KCNH1: variants seen among roughly 807,000 people sequenced by gnomAD.
KCNH1 encodes voltage-gated delayed rectifier potassium channel KCNH1.
In KCNH1, 27 loss-of-function variants were observed where a neutral mutation model predicts 69.2. The ratio of observed to expected loss-of-function variants is 0.39; its 90% CI spans 0.29 to 0.54. The LOEUF (loss-of-function observed/expected upper bound fraction) is 0.54. KCNH1 is among the 20% of genes least tolerant of loss of function. The pLI is 0.68. For synonymous variants in KCNH1, 456 were observed against 487.7 expected (o/e 0.93, Z 0.86); for missense variants, 798 against 1,261.6 (o/e 0.63, Z 5.57).
chr1:210,961,145 C>T (rs948305388), intron 6 of KCNH1, among the ~76,000 whole-genome samples: 1 of 152,068 alleles, frequency 6.6e-6, no homozygotes, highest in African/African-American at 2.4e-5. Flanking sequence ...GATGAAATGT[C>T]TGTTAAAATC....
In KCNH1 at chr1:210,787,346, G is replaced by A. The variant is rs539112645; in HGVS notation, c.1915+10162C>T. 3.9e-5 allele frequency among the ~76,000 whole-genome samples: 6 copies of A among 152,210 alleles called. No individual in the cohort carries two copies. The East Asian group carries it at 9.6e-4, about 24-fold the overall frequency. On this transcript the variant is annotated intron_variant, in intron 9 of 10. Transcript: ENST00000271751. Reference sequence around the variant, plus strand: ...ACTTCTCATAGCCGCTGGATTAGATGCCTGTCATATAAGCTCCCACAGCAT... The same window carrying A: ...ACTTCTCATAGCCGCTGGATTAGATACCTGTCATATAAGCTCCCACAGCAT...
intron 4 of KCNH1, among the ~76,000 whole-genome samples, chr1:211,085,691 G>A (rs1373051951): frequency 1.3e-5 from 2 of 152,148 alleles, no homozygotes; most frequent in African/African-American, 4.8e-5. Flanking sequence ...ATGACGACTG[G>A]GGTGACAGCT....
intron 6 of KCNH1, among the ~76,000 whole-genome samples, chr1:210,941,355 C>T (rs151182503): frequency 1.3e-5 from 2 of 152,204 alleles, no homozygotes; most frequent in Non-Finnish European, 2.9e-5. Flanking sequence ...AGCCTCCTGA[C>T]AAGCACCAAG....
intron 7 of KCNH1, among the ~76,000 whole-genome samples, chr1:210,824,120 A>G (rs11119611): frequency 0.35 from 53,177 of 151,110 alleles, 9,451 homozygotes; most frequent in East Asian, 0.48. Context: ...AGGTTTCTAA[A>G]CCTTTGTTCC....
chr1:210,877,881 C>T (rs1366660762), intron 7 of KCNH1, among the ~76,000 whole-genome samples: 3 of 152,098 alleles, frequency 2.0e-5, no homozygotes, highest in African/African-American at 4.8e-5. Context: ...GATCTCTTTC[C>T]TTCTGTCATT....
At chr1:210,989,354 T>C (rs915605961) in intron 6 of KCNH1, among the ~76,000 whole-genome samples, 3 of 152,250 alleles carry the variant, frequency 2.0e-5, no homozygotes, top group Admixed American at 6.5e-5. Flanking sequence ...TCAAAGCCAG[T>C]CTGTGAGTTT....
At chr1:211,069,324 AC>A (rs1281753076) in intron 5 of KCNH1, among the ~76,000 whole-genome samples, 3 of 132,418 alleles carry the variant, frequency 2.3e-5, no homozygotes, top group Non-Finnish European at 4.6e-5. Flanking sequence ...TGCCCTATTT[AC>A]CTAGCACATG....
chr1:210,721,360 G>A (rs150801480), intron 10 of KCNH1, among the ~76,000 whole-genome samples: 74 of 152,266 alleles, frequency 4.9e-4, no homozygotes, highest in Middle Eastern at 6.8e-3. Flanking sequence ...ATTCTTCAGC[G>A]CAAGAGTTCT....
chr1:210,758,232 G>A (rs1201738711), intron 10 of KCNH1, among the ~76,000 whole-genome samples: 1 of 152,194 alleles, frequency 6.6e-6, no homozygotes, highest in African/African-American at 2.4e-5. Context: ...AGGCATTTTA[G>A]TTTCAGCCCA....
intron 6 of KCNH1, among the ~76,000 whole-genome samples, chr1:210,954,563 T>C (rs540938357): frequency 1.3e-4 from 20 of 152,158 alleles, no homozygotes; most frequent in Non-Finnish European, 2.6e-4. Flanking sequence ...CTCTCCAGCA[T>C]CTGTTGTTTC....
intron 5 of KCNH1, among the ~76,000 whole-genome samples, chr1:211,023,493 G>A (rs1429629718): frequency 6.6e-6 from 1 of 151,516 alleles, no homozygotes; most frequent in Non-Finnish European, 1.5e-5. Context: ...ATGAAATCCT[G>A]TCATTTGCAG....
chr1:210,739,860 C>T (rs867119744), intron 10 of KCNH1, among the ~76,000 whole-genome samples: 4 of 152,126 alleles, frequency 2.6e-5, no homozygotes, highest in African/African-American at 4.8e-5. Context: ...GACCTCGCAG[C>T]ACAACACAAA....
chr1:211,078,885 T>C (rs1690789233), intron 5 of KCNH1, among the ~76,000 whole-genome samples: 2 of 124,054 alleles, frequency 1.6e-5, no homozygotes, highest in Admixed American at 1.1e-4. Flanking sequence ...ACCACTGCAC[T>C]CCAGCCTGGG....
intron 6 of KCNH1, among the ~76,000 whole-genome samples, chr1:211,009,604 T>C (rs531341879): frequency 2.6e-5 from 2 of 77,826 alleles, no homozygotes; most frequent in Non-Finnish European, 4.6e-5. Context: ...TATTTTCTTT[T>C]CTTTTTTTTT....
intron 6 of KCNH1, among the ~76,000 whole-genome samples, chr1:210,931,773 T>A (rs1687684192): frequency 6.7e-6 from 1 of 148,786 alleles, no homozygotes; most frequent in Admixed American, 6.7e-5. Context: ...AATGAGAAAT[T>A]CAACAAAGAG....
At chr1:211,085,263 G>C (rs73073493) in intron 4 of KCNH1, among the ~76,000 whole-genome samples, 175 of 152,264 alleles carry the variant, frequency 1.1e-3, no homozygotes, top group African/African-American at 4.0e-3. Context: ...AAGTGGGAGG[G>C]GGATGCCAGG....
At chr1:210,849,367 T>TTTC (rs1369968407) in intron 7 of KCNH1, among the ~76,000 whole-genome samples, 6 of 125,986 alleles carry the variant, frequency 4.8e-5, no homozygotes, top group African/African-American at 1.5e-4. Flanking sequence ...CTTTCTTTCT[T>TTTC]TTTTTTTTTT....
chr1:211,031,278 A>T (rs4027133), intron 5 of KCNH1, among the ~76,000 whole-genome samples: 1 of 151,922 alleles, frequency 6.6e-6, no homozygotes, highest in Admixed American at 6.6e-5. Flanking sequence ...AAAAGTCCAG[A>T]ACCAGATGGA....
intron 6 of KCNH1, among the ~76,000 whole-genome samples, chr1:211,002,139 T>C (rs527939216): frequency 6.6e-6 from 1 of 152,142 alleles, no homozygotes; most frequent in East Asian, 1.9e-4. Flanking sequence ...TGTGCACATG[T>C]ACACATATGT....
Sources: allele counts gnomAD v4.1 joint callset (sites outside exome capture counted in the v4.1 genomes callset), GRCh38; gene constraint gnomAD v4.1.1; transcripts MANE v1.5; gene names NCBI Gene and HGNC (gene_info 2026-07-23, HGNC 2026-07-21).